Variants in FYB2 observed in about 807,000 individuals in gnomAD.
FYB2 encodes the protein FYN binding protein 2, also known as FYN-binding protein 2.
Under a neutral mutation model 94.1 loss-of-function variants are expected in FYB2, and 103 were observed. The observed-to-expected ratio is 1.09, with a 90% CI of 0.93 to 1.29. The LOEUF is 1.29. Among genes scored for constraint, FYB2 ranks in the 50% most tolerant of loss-of-function variants. The probability of loss-of-function intolerance (pLI) is 0.00; values close to 1 mark genes in which losing one functional copy is unlikely to be tolerated. For synonymous variants in FYB2, 293 were observed against 287.9 expected, an observed-to-expected ratio of 1.02 and a Z score of -0.18; for missense variants, 896 against 841.5, an observed-to-expected ratio of 1.06 and a Z score of -0.80.
intron 12 of FYB2, among the ~76,000 whole-genome samples, chr1:56,741,738 G>A (rs857122): frequency 6.6e-6 from 1 of 151,820 alleles, no homozygotes; most frequent in Non-Finnish European, 1.5e-5. Context: ...CCCAAATCCC[G>A]GAGATAGCCT....
At chr1:56,790,500 A>G (rs777335293) in intron 2 of FYB2, among the ~76,000 whole-genome samples, 3 of 152,170 alleles carry the variant, frequency 2.0e-5, no homozygotes, top group Non-Finnish European at 2.9e-5. Flanking sequence ...TCTGGTAGAT[A>G]ATACATTCTT....
chr1:56,811,062 G>A (rs1237527380), intron 1 of FYB2, among the ~76,000 whole-genome samples: 3 of 152,076 alleles, frequency 2.0e-5, no homozygotes, highest in African/African-American at 4.8e-5. Flanking sequence ...GGTATGCACC[G>A]GGCATGATTC....
intron 1 of FYB2, among the ~76,000 whole-genome samples, chr1:56,819,081 A>G (rs550118432): frequency 6.6e-6 from 1 of 152,266 alleles, no homozygotes; most frequent in East Asian, 1.9e-4. Flanking sequence ...GGCACAGGAC[A>G]TGGCACACTC....
intron 5 of FYB2, among the ~76,000 whole-genome samples, chr1:56,760,588 A>AG (rs2100763382): frequency 6.6e-6 from 1 of 152,294 alleles, no homozygotes; most frequent in South Asian, 2.1e-4. Flanking sequence ...AATTTTAAAA[A>AG]TAATAATCTC....
upstream of FYB2, among the ~76,000 whole-genome samples, chr1:56,822,463 A>G (rs946863875): frequency 1.3e-5 from 2 of 152,232 alleles, no homozygotes; most frequent in African/African-American, 4.8e-5. Flanking sequence ...AAAATCTTCT[A>G]GATATTTCTA....
intron 11 of FYB2, among the ~76,000 whole-genome samples, chr1:56,743,685 G>T (rs541383262): frequency 1.4e-4 from 21 of 152,142 alleles, no homozygotes; most frequent in African/African-American, 4.8e-4. Flanking sequence ...TCTAGATCAT[G>T]TCAGAAGCCA....
chr1:56,792,576 T>C lies in FYB2; in HGVS notation c.237A>G (p.Ile79Met), dbSNP rs150919389. 23 of 1,614,020 alleles carry C rather than the reference T, an allele frequency of 1.4e-5. No individual in the cohort carries two copies. Among genetic ancestry groups the C allele is most frequent in the Admixed American group, 5.0e-5 (3 of 60,010 alleles). The change falls in exon 2 of 20, where the codon ATA becomes ATG. Residue 79 changes from isoleucine (I) to methionine (M), a missense_variant. By Grantham distance (10) the Ile-to-Met change is conservative. Coordinates refer to ENST00000343433, the MANE Select transcript of FYB2 (RefSeq NM_001004303.5). ...GAATTTCACTCTTCTGAGCCAACTT[T>C]ATTTTCTGAGGTTGAAGAGGCTGGG... The part of the protein sequence containing the change: ...SESQPLQPQK[I>M]KLAQKSEIPK...
intron 5 of FYB2, among the ~76,000 whole-genome samples, chr1:56,761,581 A>C (rs1438732714): frequency 2.0e-5 from 3 of 152,186 alleles, no homozygotes; most frequent in African/African-American, 4.8e-5. Context: ...TCTGAGGACA[A>C]TTCTGCAGAG....
chr1:56,740,595 C>G, intron 13 of FYB2, 102 bp downstream of exon 13: 1 of 660,626 alleles, frequency 1.5e-6, no homozygotes. Context: ...GTTTTAGTTT[C>G]TGATATCCCC....
chr1:56,800,557 C>T (rs1025907653), intron 1 of FYB2, among the ~76,000 whole-genome samples: 9 of 152,134 alleles, frequency 5.9e-5, no homozygotes, highest in African/African-American at 1.9e-4. Flanking sequence ...TTTTCACCTC[C>T]AGGTTGGGTA....
chr1:56,771,424 G>C (rs1030131329), intron 4 of FYB2, among the ~76,000 whole-genome samples: 4 of 152,252 alleles, frequency 2.6e-5, no homozygotes, highest in East Asian at 1.9e-4. Context: ...AGATACATGA[G>C]TTTATAGCTC....
chr1:56,736,198 T>C (rs1832899), intron 15 of FYB2, among the ~76,000 whole-genome samples: 14,290 of 152,050 alleles, frequency 0.094, 933 homozygotes, highest in South Asian at 0.22. Context: ...TTTTAAGATA[T>C]AGAGAAGACA....
chr1:56,738,791 T>C (rs1342083120), intron 13 of FYB2, 138 bp from the exon 14 acceptor site: 3 of 819,058 alleles, frequency 3.7e-6, no homozygotes, highest in Non-Finnish European at 5.7e-6. Flanking sequence ...CAAGTAAAAA[T>C]AGTTTCTCTG....
chr1:56,821,518 G>A (rs138969241), upstream of FYB2, among the ~76,000 whole-genome samples: 13 of 152,310 alleles, frequency 8.5e-5, no homozygotes, highest in African/African-American at 3.1e-4. Context: ...ACTCTGAGAT[G>A]TATGTTTCTC....
Position 56,792,520 on chromosome 1 carries a change from C to T in FYB2, c.293G>A (p.Gly98Glu), listed in dbSNP as rs1274211461. 1.2e-6 allele frequency: 2 copies of T among 1,614,052 alleles called. No homozygotes were observed. The highest frequency in any genetic ancestry group is 1.7e-5 in the Admixed American group (1 of 60,000). ...TGTTGCAGAACATACAGTAGACTTT[C>T]CCAGAGGCCCTGGGGAGTTAGAACA... ...PKCSNSPGPL[G>E]KSTVCSATSS... is the part of the protein sequence containing the mutation. Residue 98 changes from glycine to glutamate, a missense_variant, in exon 2 of 20, where the codon GGA becomes GAA. By Grantham distance (98) the Gly-to-Glu change is moderately conservative. Transcript: ENST00000343433.
intron 1 of FYB2, among the ~76,000 whole-genome samples, chr1:56,798,260 A>G (rs1348006766): frequency 6.6e-6 from 1 of 152,244 alleles, no homozygotes; most frequent in Non-Finnish European, 1.5e-5. Flanking sequence ...GTCAAAAGAC[A>G]GCCCTAAAAA....
chr1:56,767,927 G>T lies in FYB2; in HGVS notation c.965C>A (p.Ala322Glu), dbSNP rs1645663761. The part of the protein sequence containing the change: ...GSLSPERLFN[A>E]EFEEPHNYEA... ...GTAATTATGTGGTTCTTCAAATTCT[G>T]CATTGAAAAGCCTGGAGAAAAAAGG... The change falls in exon 5 of 20, where the codon GCA (alanine) becomes GAA (glutamate). Residue 322 changes from alanine to glutamate, a missense_variant. Coordinates refer to ENST00000343433, the MANE Select transcript of FYB2 (RefSeq NM_001004303.5). The T allele has an allele frequency of 6.3e-7, 1 of 1,597,326 alleles. No individual in the cohort carries two copies. The highest frequency in any genetic ancestry group is 2.2e-5 in the East Asian group (1 of 44,794).
At chr1:56,735,974 C>A (rs75185421) in intron 15 of FYB2, among the ~76,000 whole-genome samples, 5,235 of 152,050 alleles carry the variant, frequency 0.034, 307 homozygotes, top group African/African-American at 0.12. Flanking sequence ...ATTCCCAACA[C>A]AAAGAAATGA....
Position 56,792,122 on chromosome 1 carries a change from C to T in FYB2, c.691G>A (p.Glu231Lys). The change falls in exon 2 of 20, where the codon GAG becomes AAG. Residue 231 changes from glutamate to lysine, a missense_variant. Transcript: ENST00000343433. ...IRKSWENPPP[E>K]RSPASSPCQP... ...CAGGGGCTGCTTGCCGGGCTCCTCT[C>T]AGGAGGTGGGTTTTCCCAGCTTTTT... 1 of 1,613,342 alleles carries T rather than the reference C, an allele frequency of 6.2e-7. No individual in the cohort carries two copies. The highest frequency in any genetic ancestry group is 1.1e-5 in the South Asian group (1 of 90,874).
Sources: allele counts gnomAD v4.1 joint callset (sites outside exome capture counted in the v4.1 genomes callset), GRCh38; gene constraint gnomAD v4.1.1; transcripts MANE v1.5; gene names NCBI Gene and HGNC (gene_info 2026-07-23, HGNC 2026-07-21).